STK24: variants seen among roughly 807,000 people sequenced by gnomAD.
STK24 encodes the protein serine/threonine kinase 24, also known as serine/threonine-protein kinase 24.
STK24 carries 21 observed loss-of-function variants against 55.6 expected under a neutral mutation model. The observed-to-expected ratio is 0.38, with a 90% CI of 0.27 to 0.54. The LOEUF is 0.54. STK24 is among the 20% of genes least tolerant of loss of function. STK24 has a pLI of 0.79. For synonymous variants in STK24, 200 were observed against 215.2 expected (o/e 0.93, Z 0.62); for missense variants, 383 against 538.4 (o/e 0.71, Z 2.86).
chr13:98,542,920 G>T (rs1406984240), intron 1 of STK24: 3 of 985,320 alleles, frequency 3.0e-6, no homozygotes, highest in Non-Finnish European at 3.6e-6. Context: ...GGCCTGACAG[G>T]AACGGGTGTA....
At chr13:98,512,334 G>A (rs747056175) in intron 2 of STK24, among the ~76,000 whole-genome samples, 14 of 152,106 alleles carry the variant, frequency 9.2e-5, no homozygotes, top group African/African-American at 1.4e-4. Flanking sequence ...GCCATGAACT[G>A]CAAAATATGA....
At chr13:98,548,597 C>A (rs995506009) in intron 1 of STK24, among the ~76,000 whole-genome samples, 1 of 152,160 alleles carries the variant, frequency 6.6e-6, no homozygotes, top group Non-Finnish European at 1.5e-5. Context: ...CACGGTGGCT[C>A]ACACCTGTAA....
intron 1 of STK24, among the ~76,000 whole-genome samples, chr13:98,525,099 G>A (rs1361889849): frequency 6.6e-6 from 1 of 152,246 alleles, no homozygotes; most frequent in East Asian, 1.9e-4. Flanking sequence ...TTACCATACT[G>A]TGTCCCCCAT....
chr13:98,552,297 G>C (rs1329996015), intron 1 of STK24, among the ~76,000 whole-genome samples: 4 of 152,138 alleles, frequency 2.6e-5, no homozygotes, highest in Non-Finnish European at 4.4e-5. Context: ...AAGGATGATG[G>C]GAAGGGACGC....
chr13:98,459,392 GCCCTGCTCCC>G (rs1435890874), intron 9 of STK24, among the ~76,000 whole-genome samples: 1 of 152,204 alleles, frequency 6.6e-6, no homozygotes, highest in African/African-American at 2.4e-5. Flanking sequence ...TCTGGCCACA[GCCCTGCTCCC>G]ACCGGGCCCT....
chr13:98,448,622 G>A lies in STK24; in HGVS notation c.*4551C>T. On this transcript the variant is annotated 3_prime_UTR_variant, in exon 11 of 11. Transcript: ENST00000539966. ...CCCTCCACCCTGCCCCTGAAAAACA[G>A]TACACACACATCCGTTCAACACAAG... 1 of 340,362 alleles carries A rather than the reference G, an allele frequency of 2.9e-6. No individual in the cohort carries two copies. Among genetic ancestry groups the A allele is most frequent in the Non-Finnish European group, 5.4e-6 (1 of 184,192 alleles). 21.1% of individuals were successfully genotyped at this position (340,362 alleles called of 1,614,324 possible).
intron 2 of STK24, among the ~76,000 whole-genome samples, chr13:98,511,042 A>C (rs1895862460): frequency 6.6e-6 from 1 of 152,198 alleles, no homozygotes. Flanking sequence ...TCTGTTACCC[A>C]GGCTGGGGTA....
At position 98,519,435 on chromosome 13, in the gene STK24, T is replaced by C; in HGVS notation, c.81A>G (p.Leu27=). Residue 27 remains leucine, a synonymous_variant, in exon 2 of 11, where the codon CTA becomes CTG. Transcript: ENST00000539966. ...KADPEELFTK[L]EKIGKGSFGE... ...CAAAGGAGCCCTTCCCAATTTTCTCTAGTTTTGTAAAAAGCTCTTCTGGGT... is the reference window on the plus strand; with the variant it reads ...CAAAGGAGCCCTTCCCAATTTTCTCCAGTTTTGTAAAAAGCTCTTCTGGGT... 1.9e-6 allele frequency: 3 copies of C among 1,614,228 alleles called. No individual in the cohort carries two copies. The highest frequency in any genetic ancestry group is 2.2e-5 in the South Asian group (2 of 91,086).
chr13:98,454,233 T>A (rs1322329822), intron 10 of STK24: 1 of 152,178 alleles, frequency 6.6e-6, no homozygotes, highest in Non-Finnish European at 1.5e-5. Flanking sequence ...TGGGCTACAG[T>A]GGTGGGATCA....
chr13:98,536,777 C>T (rs1896747984), intron 1 of STK24, among the ~76,000 whole-genome samples: 1 of 152,132 alleles, frequency 6.6e-6, no homozygotes, highest in Non-Finnish European at 1.5e-5. Context: ...AACGATCTTC[C>T]AAGCATCACT....
intron 2 of STK24, chr13:98,504,927 C>G (rs192534114): frequency 1.3e-5 from 2 of 152,380 alleles, no homozygotes; most frequent in Admixed American, 1.3e-4. Context: ...CCGTGGGAGT[C>G]TGTCGATGTC....
intron 2 of STK24, among the ~76,000 whole-genome samples, chr13:98,493,955 G>A (rs963807111): frequency 6.6e-4 from 99 of 150,350 alleles, no homozygotes; most frequent in African/African-American, 2.4e-3. Context: ...CCATTATCCT[G>A]CCTCAGCCTC....
chr13:98,555,610 TCA>T (rs557964558), intron 1 of STK24, among the ~76,000 whole-genome samples: 101 of 149,432 alleles, frequency 6.8e-4, no homozygotes, highest in African/African-American at 2.4e-3. Flanking sequence ...AATAAAAACC[TCA>T]CTCTCAACAG....
intron 4 of STK24, 79 bp downstream of exon 4, chr13:98,475,171 C>A: frequency 2.1e-6 from 3 of 1,436,496 alleles, no homozygotes; most frequent in Non-Finnish European, 1.9e-6. Flanking sequence ...GGCGCCAGCA[C>A]CTTCCCTTGA....
intron 2 of STK24, among the ~76,000 whole-genome samples, chr13:98,506,673 C>T (rs1459841268): frequency 6.6e-6 from 1 of 152,220 alleles, no homozygotes; most frequent in Non-Finnish European, 1.5e-5. Context: ...TGGGGCACAG[C>T]TACCGGCACC....
intron 1 of STK24, among the ~76,000 whole-genome samples, chr13:98,570,561 T>C (rs1897715051): frequency 6.6e-6 from 1 of 152,154 alleles, no homozygotes; most frequent in Non-Finnish European, 1.5e-5. Flanking sequence ...ACAGAAAAGG[T>C]TTCTTTTGCT....
At chr13:98,567,943 A>AGGG (rs35252293) in intron 1 of STK24, among the ~76,000 whole-genome samples, 4 of 101,514 alleles carry the variant, frequency 3.9e-5, no homozygotes, top group African/African-American at 1.3e-4. Flanking sequence ...AAAAAAAAAA[A>AGGG]GGGGGGGGGT....
intron 1 of STK24, among the ~76,000 whole-genome samples, chr13:98,570,255 C>T (rs942441756): frequency 2.0e-5 from 3 of 152,146 alleles, no homozygotes; most frequent in South Asian, 2.1e-4. Context: ...GGGCTGCCCT[C>T]GGGGAATAAG....
intron 5 of STK24, among the ~76,000 whole-genome samples, chr13:98,469,318 G>A (rs1369333264): frequency 6.6e-6 from 1 of 152,178 alleles, no homozygotes; most frequent in African/African-American, 2.4e-5. Context: ...GGAGGCCGAC[G>A]CAGGCAGATC....
Sources: gnomAD v4.1 joint callset for allele counts (sites outside exome capture counted in the v4.1 genomes callset) on GRCh38, gnomAD v4.1.1 for gene constraint, MANE v1.5 for transcripts, NCBI Gene and HGNC (gene_info 2026-07-23, HGNC 2026-07-21) for gene names.